ARHGEF10L: variants seen among roughly 807,000 people sequenced by gnomAD.
The protein encoded by ARHGEF10L is Rho guanine nucleotide exchange factor 10 like, also known as rho guanine nucleotide exchange factor 10-like protein.
In ARHGEF10L, 69 loss-of-function variants were observed where a neutral mutation model predicts 141.2. The ratio of observed to expected loss-of-function variants is 0.49; its 90% CI spans 0.40 to 0.60. The LOEUF is 0.60. ARHGEF10L is among the 20% of genes least tolerant of loss of function. The probability of loss-of-function intolerance (pLI) is 0.00; values close to 1 mark genes in which losing one functional copy is unlikely to be tolerated. For missense variants in ARHGEF10L, 1,482 were observed against 1,734.3 expected (o/e 0.85, Z 2.58); for synonymous variants, 711 against 718.5 (o/e 0.99, Z 0.17).
Position 17,577,234 on chromosome 1 carries a change from TG to T in ARHGEF10L, c.-43-3315del, listed in dbSNP as rs200873832. On this transcript the variant is annotated intron_variant, in intron 1 of 28. Coordinates refer to ENST00000361221, the MANE Select transcript of ARHGEF10L (RefSeq NM_018125.4). ...TAATTTTTTGTATTTTTAGTAGAGA[TG>T]GGGTTTCACCATGTTGGCCAGGCTG... Among the ~76,000 whole-genome samples, 876 of 152,152 alleles carry T rather than the reference TG, an allele frequency of 5.8e-3. 23 individuals are homozygous for T. In the East Asian group the frequency reaches 0.082, roughly 14 times the overall value.
intron 26 of ARHGEF10L, among the ~76,000 whole-genome samples, chr1:17,683,947 C>T (rs1247939567): frequency 2.6e-5 from 4 of 152,142 alleles, no homozygotes; most frequent in South Asian, 2.1e-4. Flanking sequence ...GACCTTTCTT[C>T]GGGAGTCGAG....
rs773332883 is a variant in ARHGEF10L at position 17,616,152 on chromosome 1, G to A, written c.785G>A (p.Arg262Gln). ...ACCAAGGATGGGCTGGAGAAGACACGGATGGCCGTGATGCGCAAAGTCTCC... is the reference window on the plus strand; with the variant it reads ...ACCAAGGATGGGCTGGAGAAGACACAGATGGCCGTGATGCGCAAAGTCTCC... ...SGTKDGLEKTRMAVMRKVSFL... is the reference protein window; with the variant it reads ...SGTKDGLEKTQMAVMRKVSFL... The change falls in exon 9 of 29, where the codon CGG becomes CAG. Residue 262 changes from arginine to glutamine, a missense_variant. By Grantham distance (43) the Arg-to-Gln change is conservative. This residue lies in a region of ARHGEF10L where 392 missense variants were observed against 542.1 expected (regional missense o/e 0.72). Transcript: ENST00000361221. 4.3e-6 allele frequency: 7 copies of A among 1,613,792 alleles called. No homozygotes were observed. Among genetic ancestry groups the A allele is most frequent in the Non-Finnish European group, 5.9e-6 (7 of 1,179,994 alleles).
chr1:17,612,291 G>A (rs2059587698), intron 7 of ARHGEF10L, among the ~76,000 whole-genome samples: 3 of 151,690 alleles, frequency 2.0e-5, no homozygotes, highest in Admixed American at 6.6e-5. Context: ...TTAAATATTT[G>A]CCAGCACAGC....
At chr1:17,596,033 G>A (rs183901245) in intron 4 of ARHGEF10L, among the ~76,000 whole-genome samples, 24 of 152,292 alleles carry the variant, frequency 1.6e-4, no homozygotes, top group African/African-American at 5.3e-4. Flanking sequence ...TCGTGGCCCC[G>A]GGGTGCTTAC....
chr1:17,540,209 C>T (rs1451088826), intron 1 of ARHGEF10L, among the ~76,000 whole-genome samples: 1 of 152,038 alleles, frequency 6.6e-6, no homozygotes, highest in Non-Finnish European at 1.5e-5. Context: ...CTTTGTGCTT[C>T]AGCTTGTGTG....
At chr1:17,584,714 C>T (rs542833748) in intron 2 of ARHGEF10L, among the ~76,000 whole-genome samples, 3 of 152,350 alleles carry the variant, frequency 2.0e-5, no homozygotes, top group African/African-American at 7.2e-5. Flanking sequence ...GAAGAACGTG[C>T]TAGGCCCTGG....
At chr1:17,648,424 G>C in intron 21 of ARHGEF10L, 130 bp from the exon 22 acceptor site, 4 of 1,172,280 alleles carry the variant, frequency 3.4e-6, no homozygotes, top group Non-Finnish European at 4.8e-6. Context: ...CAGGAGTAGG[G>C]TGGGGAGTGA....
intron 9 of ARHGEF10L, among the ~76,000 whole-genome samples, chr1:17,617,602 G>A (rs1255819523): frequency 6.6e-6 from 1 of 152,234 alleles, no homozygotes; most frequent in Non-Finnish European, 1.5e-5. Flanking sequence ...AAGGAAGGAG[G>A]CTTTGTCTGC....
rs74059350 is a variant in ARHGEF10L, at chr1:17,618,615, C to G, written c.836-724C>G. ...CCCAGCTTCCTCACAGCTCCCATTT[C>G]CTGCTGCCCACAGCCACCGCTGGAG... is the stretch of plus-strand genomic sequence containing the variant. On this transcript the variant is annotated intron_variant, in intron 9 of 28. Transcript: ENST00000361221. 2.2e-3 allele frequency: 2,167 copies of G among 969,950 alleles called. 34 individuals carry two copies. In the African/African-American group the frequency reaches 0.034, roughly 15 times the overall value. 60.1% of individuals were successfully genotyped at this position (969,950 alleles called of 1,614,324 possible).
intron 14 of ARHGEF10L, among the ~76,000 whole-genome samples, chr1:17,626,773 C>T (rs376236385): frequency 1.3e-5 from 2 of 152,210 alleles, no homozygotes; most frequent in East Asian, 1.9e-4. Context: ...GATTCTCCCT[C>T]CCCACAGCCT....
intron 15 of ARHGEF10L, 143 bp from the exon 16 acceptor site, chr1:17,632,178 A>G: frequency 9.8e-7 from 1 of 1,024,082 alleles, no homozygotes. Context: ...CTTGTCACCC[A>G]GGGATGGAGG....
chr1:17,552,636 C>G lies in ARHGEF10L; in HGVS notation c.-44+12686C>G, dbSNP rs576017336. On this transcript the variant is annotated intron_variant, in intron 1 of 28. Transcript: ENST00000361221. ...ACAGGGTTTCACCATATCAGCCAGG[C>G]TGGTCTCAAACTCCTGACCTCCAGT... is the stretch of plus-strand genomic sequence containing the variant. Among the ~76,000 whole-genome samples the G allele has an allele frequency of 5.6e-5, 7 of 123,970 alleles. No homozygotes were observed. The South Asian group carries it at 1.1e-3, about 20-fold the overall frequency. The allele number at this position is 123,970 out of a possible 152,430, so 81.3% of individuals were successfully genotyped here.
chr1:17,638,829 A>G (rs2061167405), intron 20 of ARHGEF10L, 140 bp downstream of exon 20: 10 of 1,269,354 alleles, frequency 7.9e-6, no homozygotes, highest in Non-Finnish European at 1.1e-5. Context: ...ATCGTGGGCC[A>G]TGTCTGGGAT....
At chr1:17,540,708 T>C (rs1037027514) in intron 1 of ARHGEF10L, among the ~76,000 whole-genome samples, 1 of 152,184 alleles carries the variant, frequency 6.6e-6, no homozygotes, top group African/African-American at 2.4e-5. Flanking sequence ...AGGCCCTGCG[T>C]TGCATCAGTG....
rs922345747 is a variant in ARHGEF10L, at chr1:17,626,130, G to A, written c.1410+82G>A. On this transcript the variant is annotated intron_variant, in intron 14 of 28. Coordinates refer to ENST00000361221, the MANE Select transcript of ARHGEF10L (RefSeq NM_018125.4). Reference sequence around the variant, plus strand: ...GTGCCTCCTGGGGTAGGAGGGAGGAGGTCTGGGCTCTTGTCCGTGATCCAT... The same window carrying A: ...GTGCCTCCTGGGGTAGGAGGGAGGAAGTCTGGGCTCTTGTCCGTGATCCAT... The A allele has an allele frequency of 4.0e-6, 5 of 1,251,220 alleles. No individual in the cohort carries two copies. In the African/African-American group the frequency reaches 6.0e-5, roughly 15 times the overall value. The allele number at this position is 1,251,220 out of a possible 1,614,324, so 77.5% of individuals were successfully genotyped here.
At chr1:17,520,953 C>CT in the ARHGEF10L span, among the ~76,000 whole-genome samples, 2 of 152,224 alleles carry the variant, frequency 1.3e-5, no homozygotes, top group Non-Finnish European at 2.9e-5. Context: ...AGGGCTCCTT[C>CT]CTTGGTCCTC....
intron 21 of ARHGEF10L, among the ~76,000 whole-genome samples, chr1:17,641,600 G>A (rs1229834382): frequency 6.6e-6 from 1 of 152,060 alleles, no homozygotes; most frequent in Admixed American, 6.6e-5. Context: ...TCCAGCCTGG[G>A]CAACAGAGCC....
intron 20 of ARHGEF10L, 53 bp downstream of exon 20, chr1:17,638,742 T>C: frequency 3.7e-6 from 6 of 1,608,392 alleles, no homozygotes; most frequent in Non-Finnish European, 5.1e-6. Context: ...GGGCTTCCAG[T>C]GGAGCAGGGG....
chr1:17,634,318 G>C, intron 16 of ARHGEF10L: 1 of 695,754 alleles, frequency 1.4e-6, no homozygotes. Context: ...CAGTGTCCTT[G>C]TCTGGGATCA....
Sources: gnomAD v4.1 joint callset for allele counts (sites outside exome capture counted in the v4.1 genomes callset) on GRCh38, gnomAD v4.1.1 for gene constraint, gnomAD v4.1.1 regional missense constraint, MANE v1.5 for transcripts, NCBI Gene and HGNC (gene_info 2026-07-23, HGNC 2026-07-21) for gene names.